ZNF385D: variants seen among roughly 807,000 people sequenced by gnomAD.
ZNF385D encodes the protein zinc finger protein 659.
Under a neutral mutation model 35.8 loss-of-function variants are expected in ZNF385D, and 15 were observed. The ratio of observed to expected loss-of-function variants is 0.42; its 90% CI spans 0.28 to 0.64. The LOEUF (loss-of-function observed/expected upper bound fraction) is 0.64. Among genes scored for constraint, ZNF385D ranks in the 30% least tolerant of loss-of-function variants. The pLI is 0.23. For missense variants in ZNF385D, 474 were observed against 494.6 expected, an observed-to-expected ratio of 0.96 and a Z score of 0.39; for synonymous variants, 212 against 186.8, an observed-to-expected ratio of 1.13 and a Z score of -1.10.
chr3:22,048,148 C>A (rs780815735), intron 3 of ZNF385D, among the ~76,000 whole-genome samples: 13 of 151,918 alleles, frequency 8.6e-5, no homozygotes, highest in Non-Finnish European at 1.3e-4. Context: ...AGTGCCTTAC[C>A]AGATGGGTGG....
rs551319246 is a variant in ZNF385D at position 21,468,338 on chromosome 3, G to A, written c.440-31135C>T. ...AATCACTTGAACCTGGGAGGCAGAG[G>A]TTGCACTGAGCCAAGATCATACCAC... On this transcript the variant is annotated intron_variant, in intron 4 of 7. Transcript: ENST00000281523. 1.0e-3 allele frequency among the ~76,000 whole-genome samples: 145 copies of A among 140,158 alleles called. 2 individuals are homozygous for A. The highest frequency in any genetic ancestry group is 3.6e-3 in the African/African-American group (138 of 38,082). The allele number at this position is 140,158 out of a possible 152,430, so 91.9% of individuals were successfully genotyped here.
At chr3:21,463,645 G>T (rs1010427561) in intron 4 of ZNF385D, among the ~76,000 whole-genome samples, 1 of 152,056 alleles carries the variant, frequency 6.6e-6, no homozygotes, top group African/African-American at 2.4e-5. Flanking sequence ...CAAGGGGCTA[G>T]TCTTGTCCGC....
At chr3:22,131,764 T>G (rs981844319) in intron 3 of ZNF385D, among the ~76,000 whole-genome samples, 13 of 152,166 alleles carry the variant, frequency 8.5e-5, no homozygotes, top group African/African-American at 3.1e-4. Flanking sequence ...TCTACTTTTA[T>G]AGTCAGAGTT....
chr3:21,519,352 C>T (rs1420581377), intron 3 of ZNF385D, among the ~76,000 whole-genome samples: 1 of 152,118 alleles, frequency 6.6e-6, no homozygotes, highest in African/African-American at 2.4e-5. Context: ...CTTTTCAAAG[C>T]TTCTCAACTC....
chr3:21,979,316 TATTA>T (rs1694268905), intron 3 of ZNF385D, among the ~76,000 whole-genome samples: 2 of 152,220 alleles, frequency 1.3e-5, no homozygotes, highest in African/African-American at 4.8e-5. Flanking sequence ...CACATGTCAC[TATTA>T]ATCATAACCA....
intron 2 of ZNF385D, among the ~76,000 whole-genome samples, chr3:22,254,839 T>C (rs943599269): frequency 7.9e-5 from 12 of 151,836 alleles, no homozygotes; most frequent in African/African-American, 1.4e-4. Context: ...TTTTACTTAA[T>C]AGTCCCAAAG....
Position 22,357,962 on chromosome 3 carries a change from T to C in ZNF385D, c.106+14488A>G, listed in dbSNP as rs571092152. On this transcript the variant is annotated intron_variant, in intron 2 of 5. Transcript: ENST00000494108. ...AACATTACAAGCATTCGATATGCTA[T>C]ATTTTAAATGGTCTATTTTTCTCTT... Among the ~76,000 whole-genome samples the C allele has an allele frequency of 3.3e-5, 5 of 152,024 alleles. No individual in the cohort carries two copies. The East Asian group carries it at 9.7e-4, about 29-fold the overall frequency.
intron 3 of ZNF385D, among the ~76,000 whole-genome samples, chr3:21,801,976 C>T (rs1158866795): frequency 6.6e-6 from 1 of 152,030 alleles, no homozygotes; most frequent in African/African-American, 2.4e-5. Context: ...AAAACATAAA[C>T]AATTCATAAA....
chr3:21,769,897 C>T (rs1490795823), intron 3 of ZNF385D, among the ~76,000 whole-genome samples: 5 of 151,418 alleles, frequency 3.3e-5, no homozygotes, highest in Non-Finnish European at 7.4e-5. Flanking sequence ...AGATATAGAC[C>T]AATGGAACAG....
intron 3 of ZNF385D, among the ~76,000 whole-genome samples, chr3:22,095,487 T>G (rs960648894): frequency 6.6e-6 from 1 of 152,132 alleles, no homozygotes; most frequent in Non-Finnish European, 1.5e-5. Context: ...TATGGGACAA[T>G]GCTCTCAAGC....
At chr3:21,599,883 C>T (rs925407866) in intron 2 of ZNF385D, among the ~76,000 whole-genome samples, 4 of 152,178 alleles carry the variant, frequency 2.6e-5, no homozygotes, top group African/African-American at 9.7e-5. Flanking sequence ...TTGAGACCTA[C>T]TGGGCTGCAT....
intron 3 of ZNF385D, among the ~76,000 whole-genome samples, chr3:22,164,030 T>C (rs549330265): frequency 1.7e-3 from 263 of 152,248 alleles, no homozygotes; most frequent in Middle Eastern, 0.01. Flanking sequence ...CATTTCTTAT[T>C]CCCAATAAGC....
At chr3:22,119,685 C>T (rs892369906) in intron 3 of ZNF385D, among the ~76,000 whole-genome samples, 13 of 152,066 alleles carry the variant, frequency 8.5e-5, no homozygotes, top group Non-Finnish European at 1.8e-4. Flanking sequence ...GCCTCTTAGG[C>T]AGTGGTAGAT....
chr3:21,659,769 T>C (rs1398234050), intron 2 of ZNF385D, among the ~76,000 whole-genome samples: 2 of 152,112 alleles, frequency 1.3e-5, no homozygotes, highest in Non-Finnish European at 2.9e-5. Flanking sequence ...TAAATATCTG[T>C]TGAATAAATT....
intron 3 of ZNF385D, among the ~76,000 whole-genome samples, chr3:21,913,953 T>A (rs1700080423): frequency 6.6e-6 from 1 of 152,112 alleles, no homozygotes; most frequent in Non-Finnish European, 1.5e-5. Context: ...TCAGTTTGTA[T>A]TATGTGGCCT....
rs1214467738 is a variant in ZNF385D, at chr3:22,061,600, A to G, written c.325+107217T>C. On this transcript the variant is annotated intron_variant, in intron 3 of 5. Transcript: ENST00000494108. ...GACTCAGGATCTGATCCTCAATTAC[A>G]TGTCCAGCCCCATTTCTTGTCACTC... Among the ~76,000 whole-genome samples, 6 of 152,130 alleles carry G rather than the reference A, an allele frequency of 3.9e-5. No homozygotes were observed. In the East Asian group the frequency reaches 1.2e-3, roughly 29 times the overall value.
intron 3 of ZNF385D, among the ~76,000 whole-genome samples, chr3:22,149,974 T>C (rs866909809): frequency 1.2e-4 from 18 of 152,302 alleles, no homozygotes; most frequent in South Asian, 1.0e-3. Flanking sequence ...TAATATTGAA[T>C]TCCTAAAGCC....
At chr3:22,070,493 T>A (rs1449745988) in intron 3 of ZNF385D, among the ~76,000 whole-genome samples, 1 of 152,120 alleles carries the variant, frequency 6.6e-6, no homozygotes, top group Non-Finnish European at 1.5e-5. Context: ...CTTCATTATC[T>A]CAAATTTCAC....
chr3:21,484,091 A>T (rs183570767), intron 4 of ZNF385D, among the ~76,000 whole-genome samples: 30 of 152,320 alleles, frequency 2.0e-4, no homozygotes, highest in Admixed American at 1.6e-3. Context: ...TCCAAATAAT[A>T]TATGAATAGC....
Sources: allele counts gnomAD v4.1 joint callset (sites outside exome capture counted in the v4.1 genomes callset), GRCh38; gene constraint gnomAD v4.1.1; transcripts MANE v1.5; gene names NCBI Gene and HGNC (gene_info 2026-07-23, HGNC 2026-07-21).